Variants in SMARCC1 observed in about 807,000 individuals in gnomAD.
SMARCC1 encodes the protein SWI/SNF related BAF chromatin remodeling complex subunit C1, also known as SWI/SNF complex subunit SMARCC1.
SMARCC1 carries 43 observed loss-of-function variants against 147.4 expected under a neutral mutation model. That is an observed-to-expected ratio of 0.29 (90% CI 0.23 to 0.38). SMARCC1 has a LOEUF of 0.38. SMARCC1 is among the 10% of genes least tolerant of loss of function. SMARCC1 has a pLI of 1.00. For missense variants in SMARCC1, 1,119 were observed against 1,381.1 expected (o/e 0.81, Z 3.01); for synonymous variants, 495 against 484.4 (o/e 1.02, Z -0.29).
intron 1 of SMARCC1, among the ~76,000 whole-genome samples, 178 bp downstream of exon 1, chr3:47,781,425 C>T (rs150894368): frequency 3.3e-5 from 5 of 152,328 alleles, no homozygotes; most frequent in African/African-American, 1.2e-4. Flanking sequence ...GAACCCCAGT[C>T]AGGCCCCGGG....
intron 27 of SMARCC1, 21 bp from the exon 28 acceptor site, chr3:47,588,327 A>G: frequency 6.2e-7 from 1 of 1,604,578 alleles, no homozygotes; most frequent in Non-Finnish European, 8.5e-7. Flanking sequence ...ATCCAAGAGT[A>G]ACTCGTTATT....
chr3:47,714,261 G>A (rs1460998994), intron 8 of SMARCC1, among the ~76,000 whole-genome samples, 154 bp downstream of exon 8: 3 of 152,188 alleles, frequency 2.0e-5, no homozygotes, highest in Non-Finnish European at 2.9e-5. Flanking sequence ...CTACTTGGGA[G>A]GCTAACGCAC....
At chr3:47,630,694 TA>T (rs2032874764) in intron 24 of SMARCC1, among the ~76,000 whole-genome samples, 1 of 152,198 alleles carries the variant, frequency 6.6e-6, no homozygotes, top group South Asian at 2.1e-4. Context: ...TTGCTTAGTG[TA>T]AATCAATTTC....
intron 2 of SMARCC1, among the ~76,000 whole-genome samples, chr3:47,747,017 A>G (rs2034571835): frequency 6.6e-6 from 1 of 151,954 alleles, no homozygotes; most frequent in South Asian, 2.1e-4. Flanking sequence ...GGCATGAGCC[A>G]TCGTGCCTGG....
intron 1 of SMARCC1, among the ~76,000 whole-genome samples, chr3:47,776,985 G>A (rs571458983): frequency 6.6e-6 from 1 of 152,104 alleles, no homozygotes; most frequent in Admixed American, 6.6e-5. Flanking sequence ...TGTTGGCCAG[G>A]CTGGTCTCGA....
At chr3:47,754,764 T>C (rs2034668291) in intron 2 of SMARCC1, among the ~76,000 whole-genome samples, 1 of 152,112 alleles carries the variant, frequency 6.6e-6, no homozygotes, top group Admixed American at 6.6e-5. Flanking sequence ...AACCCTAGGC[T>C]AGGCACAGTG....
chr3:47,608,929 G>T (rs150990869), intron 26 of SMARCC1, among the ~76,000 whole-genome samples: 73 of 151,706 alleles, frequency 4.8e-4, no homozygotes, highest in African/African-American at 1.7e-3. Context: ...GTGTTTGTGT[G>T]GGGGGGTTAG....
chr3:47,647,598 C>CT (rs2106717764), intron 21 of SMARCC1, among the ~76,000 whole-genome samples: 1 of 152,308 alleles, frequency 6.6e-6, no homozygotes, highest in South Asian at 2.1e-4. Flanking sequence ...TCCTGGATAT[C>CT]TTTTAAGAGT....
At chr3:47,714,380 G>T (rs1326780493) in intron 8 of SMARCC1, 35 bp downstream of exon 8, 13 of 1,320,704 alleles carry the variant, frequency 9.8e-6, no homozygotes, top group South Asian at 1.2e-5. Context: ...ATTTTAAAAA[G>T]ATTATTGTAA....
rs2032931705 is a variant in SMARCC1, at chr3:47,633,798, A to ACACACACACG, written c.2646+1391_2646+1392insCGTGTGTGTG. ...TATATATACACACACACACACACACACACACACACACACACACACATATAT... is the reference window on the plus strand; with the variant it reads ...TATATATACACACACACACACACACACACACACACGCACACACACACACACACACATATAT... On this transcript the variant is annotated intron_variant, in intron 24 of 27. Transcript: ENST00000254480. Among the ~76,000 whole-genome samples, 2 of 41,838 alleles carry ACACACACACG rather than the reference A, an allele frequency of 4.8e-5. 1 individual carries two copies. The highest frequency in any genetic ancestry group is 1.6e-4 in the Non-Finnish European group (2 of 12,652). 27.4% of individuals were successfully genotyped at this position (41,838 alleles called of 152,430 possible).
intron 22 of SMARCC1, among the ~76,000 whole-genome samples, chr3:47,638,325 C>T (rs1042380611): frequency 3.9e-5 from 6 of 152,122 alleles, no homozygotes; most frequent in Admixed American, 3.3e-4. Context: ...GATCTCTTGG[C>T]CTTGTAATCC....
At chr3:47,653,006 G>T (rs1212037875) in intron 21 of SMARCC1, among the ~76,000 whole-genome samples, 1 of 150,672 alleles carries the variant, frequency 6.6e-6, no homozygotes, top group African/African-American at 2.4e-5. Context: ...CCGGACTGCG[G>T]ACTGCAGTGG....
intron 25 of SMARCC1, among the ~76,000 whole-genome samples, chr3:47,617,308 G>C (rs979318213): frequency 6.6e-6 from 1 of 152,198 alleles, no homozygotes; most frequent in South Asian, 2.1e-4. Context: ...ATCACTGCTG[G>C]ATTCTTGAAT....
Position 47,736,035 on chromosome 3 carries a change from T to A in SMARCC1, c.575A>T (p.Gln192Leu), listed in dbSNP as rs2034438777. 1 of 1,485,512 alleles carries A rather than the reference T, an allele frequency of 6.7e-7. No individual in the cohort carries two copies. Among genetic ancestry groups the A allele is most frequent in the Admixed American group, 1.8e-5 (1 of 55,768 alleles). 92.0% of individuals were successfully genotyped at this position (1,485,512 alleles called of 1,614,324 possible). A position where few individuals can be genotyped will look rare whatever the true frequency, so the allele number is the denominator to read the frequency against. ...NKLKDIIKRH[Q>L]GTFTDEKSKA... ...ATCTGAAGTGATTGTGTCTATTACC[T>A]GATGTCGTTTGATGATATCTTTCAA... is the stretch of plus-strand genomic sequence containing the variant. The change falls in exon 5 of 28, where the codon CAG becomes CTG. Residue 192 changes from glutamine (Q) to leucine (L), a missense_variant and splice_region_variant. Gln to Leu is a moderately radical substitution (Grantham distance 113). Coordinates refer to ENST00000254480, the MANE Select transcript of SMARCC1 (RefSeq NM_003074.4).
chr3:47,599,150 G>A (rs1410380429), intron 26 of SMARCC1, among the ~76,000 whole-genome samples: 1 of 152,164 alleles, frequency 6.6e-6, no homozygotes, highest in Non-Finnish European at 1.5e-5. Flanking sequence ...ACTTTGGGGG[G>A]CTGAGGAGGG....
intron 26 of SMARCC1, among the ~76,000 whole-genome samples, chr3:47,605,701 A>C (rs2032461147): frequency 6.6e-6 from 1 of 152,186 alleles, no homozygotes; most frequent in Non-Finnish European, 1.5e-5. Context: ...TGAGCCTGGC[A>C]GGTTGAGGCT....
chr3:47,636,958 T>C (rs1278969724), intron 22 of SMARCC1, among the ~76,000 whole-genome samples: 1 of 152,222 alleles, frequency 6.6e-6, no homozygotes, highest in Non-Finnish European at 1.5e-5. Context: ...AGCCATCTGC[T>C]AATAATTTCA....
intron 11 of SMARCC1, among the ~76,000 whole-genome samples, chr3:47,696,614 G>A (rs1020197841): frequency 9.9e-5 from 15 of 151,504 alleles, no homozygotes; most frequent in Middle Eastern, 3.2e-3. Flanking sequence ...TGCCTCCCGA[G>A]TTCAAGTGAT....
At chr3:47,771,804 G>T (rs939434499) in intron 2 of SMARCC1, among the ~76,000 whole-genome samples, 1 of 151,928 alleles carries the variant, frequency 6.6e-6, no homozygotes, top group African/African-American at 2.4e-5. Context: ...AATAAAGGCT[G>T]GGTGTGGTGG....
Sources: gnomAD v4.1 joint callset for allele counts (sites outside exome capture counted in the v4.1 genomes callset) on GRCh38, gnomAD v4.1.1 for gene constraint, MANE v1.5 for transcripts, NCBI Gene and HGNC (gene_info 2026-07-23, HGNC 2026-07-21) for gene names.